Variants in TSHR observed in about 807,000 individuals in gnomAD.
TSHR encodes the protein thyroid stimulating hormone receptor.
In TSHR, 51 loss-of-function variants were observed where a neutral mutation model predicts 64.1. That is an observed-to-expected ratio of 0.80 (90% confidence interval 0.64 to 1.01). The LOEUF (loss-of-function observed/expected upper bound fraction) is 1.01. TSHR is among the 50% of genes least tolerant of loss of function. The probability of loss-of-function intolerance (pLI) is 0.00; values close to 1 mark genes in which losing one functional copy is unlikely to be tolerated. For missense variants in TSHR, 877 were observed against 942.8 expected (o/e 0.93, Z 0.91); for synonymous variants, 361 against 361.9 (o/e 1.00, Z 0.03).
chr14:81,009,125 A>G (rs1889773331), intron 1 of TSHR, among the ~76,000 whole-genome samples: 1 of 152,206 alleles, frequency 6.6e-6, no homozygotes, highest in Admixed American at 6.5e-5. Context: ...TCAGCTAAAA[A>G]TAGCTTCGGT....
Position 81,024,248 on chromosome 14 carries a change from G to T in TSHR, c.171-37900G>T, listed in dbSNP as rs569898806. On this transcript the variant is annotated intron_variant, in intron 1 of 9. Transcript: ENST00000298171. Reference sequence around the variant, plus strand: ...GAGTATTTAGGCATGGTTTTTTTTTGTTTGTTTGTTTGTTTGTTTTAGATG... The same window carrying T: ...GAGTATTTAGGCATGGTTTTTTTTTTTTTGTTTGTTTGTTTGTTTTAGATG... 8.6e-4 allele frequency among the ~76,000 whole-genome samples: 126 copies of T among 146,642 alleles called. No individual in the cohort carries two copies. The East Asian group carries it at 0.013, about 15-fold the overall frequency.
chr14:80,969,057 G>A (rs976863567), intron 1 of TSHR, among the ~76,000 whole-genome samples: 6 of 152,118 alleles, frequency 3.9e-5, no homozygotes, highest in Non-Finnish European at 7.3e-5. Context: ...CATTGCCCCC[G>A]GGTTTTCAGA....
intron 8 of TSHR, among the ~76,000 whole-genome samples, chr14:81,125,525 C>T (rs985265654): frequency 4.6e-5 from 7 of 152,092 alleles, no homozygotes; most frequent in African/African-American, 1.7e-4. Flanking sequence ...TGAGCTGGGA[C>T]TGCTAATCTG....
chr14:81,005,761 A>AC (rs1889569315), intron 1 of TSHR, among the ~76,000 whole-genome samples: 1 of 152,242 alleles, frequency 6.6e-6, no homozygotes, highest in African/African-American at 2.4e-5. Context: ...GTATGACGTC[A>AC]GTAAGGAGTG....
Position 81,027,808 on chromosome 14 carries a change from C to T in TSHR, c.171-34340C>T, listed in dbSNP as rs138611509. Among the ~76,000 whole-genome samples the T allele has an allele frequency of 4.4e-4, 67 of 152,058 alleles. 2 individuals carry two copies. In the East Asian group the frequency reaches 0.012, roughly 28 times the overall value. On this transcript the variant is annotated intron_variant, in intron 1 of 9. Coordinates refer to ENST00000298171, the MANE Select transcript of TSHR (RefSeq NM_000369.5). The stretch of plus-strand genomic sequence containing the variant: ...CTTCAGGAAATTAGGGTGTGCAGAA[C>T]AGAATAGAAATGTAATAAGTTATCC...
intron 1 of TSHR, among the ~76,000 whole-genome samples, chr14:80,990,694 G>C (rs1181896299): frequency 1.3e-5 from 2 of 151,468 alleles, no homozygotes; most frequent in African/African-American, 4.9e-5. Context: ...CGCTCTTGTT[G>C]CCCAGGCTGG....
At chr14:81,089,473 T>C (rs1434870779) in intron 4 of TSHR, among the ~76,000 whole-genome samples, 1 of 152,214 alleles carries the variant, frequency 6.6e-6, no homozygotes, top group Non-Finnish European at 1.5e-5. Flanking sequence ...CCCCACTATA[T>C]GCTCTGTGGG....
At chr14:81,123,042 G>A (rs772253101) in intron 8 of TSHR, among the ~76,000 whole-genome samples, 1 of 152,046 alleles carries the variant, frequency 6.6e-6, no homozygotes, top group African/African-American at 2.4e-5. Context: ...CACGAGAATC[G>A]CTTGAACCTG....
At chr14:81,022,330 G>T (rs1041279681) in intron 1 of TSHR, among the ~76,000 whole-genome samples, 5 of 152,178 alleles carry the variant, frequency 3.3e-5, no homozygotes, top group Non-Finnish European at 1.5e-5. Flanking sequence ...CATGATAATT[G>T]TATGTGTCAA....
chr14:81,140,816 A>G (rs1235238168), intron 9 of TSHR, among the ~76,000 whole-genome samples: 1 of 152,184 alleles, frequency 6.6e-6, no homozygotes, highest in Non-Finnish European at 1.5e-5. Context: ...TAAAACAGCC[A>G]TACAAAGAAG....
intron 3 of TSHR, among the ~76,000 whole-genome samples, chr14:81,073,489 C>T (rs955438522): frequency 2.6e-5 from 4 of 152,008 alleles, no homozygotes; most frequent in African/African-American, 4.8e-5. Context: ...AAAAGCAAGT[C>T]TCAATAGATT....
intron 1 of TSHR, among the ~76,000 whole-genome samples, chr14:80,980,915 G>A (rs897369080): frequency 6.6e-6 from 1 of 151,922 alleles, no homozygotes; most frequent in African/African-American, 2.4e-5. Flanking sequence ...TTATATTTCG[G>A]TTGTCTGTTC....
chr14:81,068,340 GA>G lies in TSHR; in HGVS notation c.317+16del, dbSNP rs1189565576. 6.2e-7 allele frequency: 1 copy of G among 1,611,974 alleles called. No individual in the cohort carries two copies. Among genetic ancestry groups the G allele is most frequent in the Admixed American group, 1.7e-5 (1 of 59,980 alleles). On this transcript the variant is annotated intron_variant, in intron 3 of 9. Coordinates refer to ENST00000298171, the MANE Select transcript of TSHR (RefSeq NM_000369.5). Reference sequence around the variant, plus strand: ...AAAGTGACTCACATGTAAGTACAAGGAAAAGTGCAGCATAGACCTAAGCCAC... The same window carrying G: ...AAAGTGACTCACATGTAAGTACAAGGAAAGTGCAGCATAGACCTAAGCCAC...
intron 7 of TSHR, among the ~76,000 whole-genome samples, chr14:81,105,453 G>A (rs746857786): frequency 2.0e-5 from 3 of 152,154 alleles, no homozygotes; most frequent in Admixed American, 1.3e-4. Context: ...TTAACTCTAA[G>A]AGGTAAAGTA....
intron 8 of TSHR, among the ~76,000 whole-genome samples, chr14:81,122,711 C>T (rs1433005141): frequency 1.3e-5 from 2 of 152,120 alleles, no homozygotes; most frequent in African/African-American, 4.8e-5. Flanking sequence ...AAGGAAATAC[C>T]AGAAGTTAAA....
intron 1 of TSHR, among the ~76,000 whole-genome samples, chr14:80,964,267 G>A (rs1039112241): frequency 2.6e-5 from 4 of 152,154 alleles, no homozygotes; most frequent in Non-Finnish European, 5.9e-5. Context: ...TGATATCAGA[G>A]GCATAGATCC....
At chr14:80,995,229 G>T (rs1273626874) in intron 1 of TSHR, 3 of 152,114 alleles carry the variant, frequency 2.0e-5, no homozygotes, top group African/African-American at 7.2e-5. Context: ...CTTTTACCCT[G>T]TTGGGAGTGT....
chr14:81,139,389 T>G (rs999545511), intron 8 of TSHR, among the ~76,000 whole-genome samples: 1 of 152,206 alleles, frequency 6.6e-6, no homozygotes, highest in Non-Finnish European at 1.5e-5. Context: ...AAAATTGACA[T>G]CTCTCTCTGA....
At position 81,034,286 on chromosome 14, in the gene TSHR, C is replaced by A. The variant is rs78309140; in HGVS notation, c.171-27862C>A. 2.1e-3 allele frequency among the ~76,000 whole-genome samples: 322 copies of A among 152,276 alleles called. 9 individuals are homozygous for A. The East Asian group carries it at 0.053, about 25-fold the overall frequency. ...AACCACAGAGAATGAGAAGTCTATT[C>A]AAGGATTTTATGTCTGAATGCTCTT... On this transcript the variant is annotated intron_variant, in intron 1 of 9. Coordinates refer to ENST00000298171, the MANE Select transcript of TSHR (RefSeq NM_000369.5).
Sources: gnomAD v4.1 joint callset for allele counts (sites outside exome capture counted in the v4.1 genomes callset) on GRCh38, gnomAD v4.1.1 for gene constraint, MANE v1.5 for transcripts, NCBI Gene and HGNC (gene_info 2026-07-23, HGNC 2026-07-21) for gene names.